The following GRM1 variants were observed in gnomAD, a reference collection of about 807,000 sequenced individuals.
GRM1 encodes glutamate metabotropic receptor 1, also known as metabotropic glutamate receptor 1.
Under a neutral mutation model 90.9 loss-of-function variants are expected in GRM1, and 33 were observed. The ratio of observed to expected loss-of-function variants is 0.36; its 90% confidence interval spans 0.28 to 0.49. The LOEUF (loss-of-function observed/expected upper bound fraction) is 0.49. GRM1 is among the 20% of genes least tolerant of loss of function. GRM1 has a pLI of 0.99. For missense variants in GRM1, 1,190 were observed against 1,534.3 expected (o/e 0.78, Z 3.75); for synonymous variants, 700 against 613.2 (o/e 1.14, Z -2.09).
At chr6:146,032,123 G>A (rs1452937494) in intron 1 of GRM1, among the ~76,000 whole-genome samples, 2 of 152,034 alleles carry the variant, frequency 1.3e-5, no homozygotes, top group African/African-American at 4.8e-5. Context: ...ATTTTGCTGC[G>A]AAAGGACTAA....
At chr6:146,367,834 T>C (rs369698304) in intron 5 of GRM1, among the ~76,000 whole-genome samples, 2 of 152,152 alleles carry the variant, frequency 1.3e-5, no homozygotes, top group African/African-American at 4.8e-5. Flanking sequence ...GCATCTAGCT[T>C]GATTCTGTGT....
In GRM1 at chr6:146,346,670, A is replaced by G. The variant is rs79110855; in HGVS notation, c.1187-5580A>G. ...GGCACTTTATCCCTTTGAGGTCATT[A>G]TTTAAAAAATGACCTGATTAATCTT... On this transcript the variant is annotated intron_variant, in intron 3 of 7. Transcript: ENST00000282753. Among the ~76,000 whole-genome samples the G allele has an allele frequency of 9.0e-3, 1,376 of 152,302 alleles. 27 individuals are homozygous for G. The highest frequency in any genetic ancestry group is 0.032 in the African/African-American group (1,314 of 41,556).
chr6:146,211,518 T>G (rs573240371), intron 2 of GRM1, among the ~76,000 whole-genome samples: 248 of 152,314 alleles, frequency 1.6e-3, no homozygotes, highest in African/African-American at 5.6e-3. Flanking sequence ...ATTTTGATTA[T>G]CCGGTGACTT....
intron 3 of GRM1, among the ~76,000 whole-genome samples, chr6:146,307,128 T>C (rs1783604856): frequency 6.6e-6 from 1 of 152,182 alleles, no homozygotes; most frequent in Non-Finnish European, 1.5e-5. Flanking sequence ...ATTGTGACAG[T>C]ACATAAATGT....
intron 3 of GRM1, among the ~76,000 whole-genome samples, chr6:146,343,094 T>C (rs148217271): frequency 6.6e-5 from 10 of 152,296 alleles, no homozygotes; most frequent in African/African-American, 2.2e-4. Flanking sequence ...TTTGATATCT[T>C]TGACAGTTTG....
chr6:146,420,277 A>G (rs1438349756), intron 7 of GRM1, among the ~76,000 whole-genome samples: 4 of 152,256 alleles, frequency 2.6e-5, no homozygotes, highest in African/African-American at 9.6e-5. Context: ...CCCTGACAAG[A>G]TATTTTCCTA....
At chr6:146,416,285 A>T (rs558218119) in intron 7 of GRM1, among the ~76,000 whole-genome samples, 1 of 151,378 alleles carries the variant, frequency 6.6e-6, no homozygotes, top group Non-Finnish European at 1.5e-5. Flanking sequence ...GTTCCATTTT[A>T]TTTTTTTTCC....
chr6:146,109,307 G>A (rs1158186644), intron 1 of GRM1, among the ~76,000 whole-genome samples: 10 of 152,174 alleles, frequency 6.6e-5, no homozygotes, highest in Admixed American at 5.9e-4. Flanking sequence ...GGGACTTGAT[G>A]CCCTGTGTCC....
At chr6:146,056,717 T>C (rs886893495) in intron 1 of GRM1, among the ~76,000 whole-genome samples, 1 of 152,172 alleles carries the variant, frequency 6.6e-6, no homozygotes, top group Non-Finnish European at 1.5e-5. Context: ...GTAACTGATC[T>C]TCAGTCATTA....
intron 2 of GRM1, among the ~76,000 whole-genome samples, chr6:146,232,871 A>C (rs748694905): frequency 3.6e-4 from 54 of 151,920 alleles, no homozygotes; most frequent in Non-Finnish European, 6.5e-4. Flanking sequence ...CATTCAAGGA[A>C]TTTGTCTACT....
intron 1 of GRM1, among the ~76,000 whole-genome samples, chr6:146,099,103 C>T (rs189302859): frequency 5.9e-5 from 9 of 152,136 alleles, no homozygotes; most frequent in Admixed American, 2.6e-4. Flanking sequence ...ATATCTGTGT[C>T]GGTTGGGTGT....
chr6:146,343,317 C>T (rs992234480), intron 3 of GRM1, among the ~76,000 whole-genome samples: 1 of 152,078 alleles, frequency 6.6e-6, no homozygotes. Context: ...CTTTTTATGG[C>T]TTTTTAAAAA....
At chr6:146,225,465 A>G (rs966429486) in intron 2 of GRM1, among the ~76,000 whole-genome samples, 1 of 152,148 alleles carries the variant, frequency 6.6e-6, no homozygotes, top group African/African-American at 2.4e-5. Context: ...AAAGAAAAGG[A>G]TAGCAAAACT....
chr6:146,229,538 G>A (rs531179985), intron 2 of GRM1, among the ~76,000 whole-genome samples: 2 of 151,774 alleles, frequency 1.3e-5, no homozygotes, highest in Non-Finnish European at 2.9e-5. Context: ...CCAAAGTCAC[G>A]TTAAACTTTA....
At chr6:146,278,735 G>T (rs1782461811) in intron 2 of GRM1, among the ~76,000 whole-genome samples, 2 of 152,300 alleles carry the variant, frequency 1.3e-5, no homozygotes, top group African/African-American at 4.8e-5. Flanking sequence ...AGTAAGCCGA[G>T]ATCACGCTAC....
At chr6:146,406,145 A>T (rs1373529948) in intron 7 of GRM1, among the ~76,000 whole-genome samples, 1 of 152,186 alleles carries the variant, frequency 6.6e-6, no homozygotes, top group African/African-American at 2.4e-5. Flanking sequence ...TGGAAACATA[A>T]GAGAGAGATC....
chr6:146,069,780 C>T (rs557898505), intron 1 of GRM1, among the ~76,000 whole-genome samples: 1 of 152,302 alleles, frequency 6.6e-6, no homozygotes, highest in Non-Finnish European at 1.5e-5. Flanking sequence ...TGTACTACCA[C>T]CACTATCATC....
intron 2 of GRM1, among the ~76,000 whole-genome samples, chr6:146,164,311 C>G (rs1231094648): frequency 6.6e-6 from 1 of 152,064 alleles, no homozygotes; most frequent in Admixed American, 6.6e-5. Context: ...TACTACTGAA[C>G]CATATTATCA....
chr6:146,332,255 A>C (rs1041939476), intron 3 of GRM1, among the ~76,000 whole-genome samples: 4 of 152,112 alleles, frequency 2.6e-5, no homozygotes, highest in Non-Finnish European at 4.4e-5. Flanking sequence ...TATAACAGTT[A>C]TGTAGGTCAG....
Sources: allele counts gnomAD v4.1 joint callset (sites outside exome capture counted in the v4.1 genomes callset), GRCh38; gene constraint gnomAD v4.1.1; transcripts MANE v1.5; gene names NCBI Gene and HGNC (gene_info 2026-07-23, HGNC 2026-07-21).